NFIB: variants seen among roughly 807,000 people sequenced by gnomAD.
NFIB encodes nuclear factor 1 B-type.
NFIB carries 11 observed loss-of-function variants against 61.5 expected under a neutral mutation model. The observed-to-expected ratio is 0.18, with a 90% confidence interval of 0.11 to 0.30. The LOEUF (loss-of-function observed/expected upper bound fraction) is 0.30. Among genes scored for constraint, NFIB ranks in the 10% least tolerant of loss-of-function variants. NFIB has a pLI of 1.00. For missense variants in NFIB, 471 were observed against 608.9 expected, an observed-to-expected ratio of 0.77 and a Z score of 2.38; for synonymous variants, 260 against 216.5, an observed-to-expected ratio of 1.20 and a Z score of -1.76.
chr9:14,230,523 T>C (rs1563925307), intron 2 of NFIB, among the ~76,000 whole-genome samples: 1 of 152,194 alleles, frequency 6.6e-6, no homozygotes, highest in Non-Finnish European at 1.5e-5. Flanking sequence ...ATATAGTCTA[T>C]ATCCAAATGA....
At chr9:14,317,653 T>G, upstream of NFIB, among the ~76,000 whole-genome samples, 1 of 152,190 alleles carries the variant, frequency 6.6e-6, no homozygotes, top group Non-Finnish European at 1.5e-5. Context: ...CTTGCAGCCA[T>G]GTGGAGAATG....
intron 1 of NFIB, among the ~76,000 whole-genome samples, chr9:14,381,741 C>G (rs565794641): frequency 5.1e-4 from 77 of 152,322 alleles, no homozygotes; most frequent in Non-Finnish European, 9.0e-4. Context: ...AGAACAGTAT[C>G]TGGAGAAGCA....
chr9:14,246,351 G>GGAAGT (rs1327767308), intron 2 of NFIB, among the ~76,000 whole-genome samples: 1 of 152,134 alleles, frequency 6.6e-6, no homozygotes, highest in Non-Finnish European at 1.5e-5. Context: ...CTTAGGTACA[G>GGAAGT]GAAGTCACTA....
rs1258596130 is a variant in NFIB, at chr9:14,082,696, G to A, written c.*5613C>T. On this transcript the variant is annotated 3_prime_UTR_variant, in exon 11 of 11. Coordinates refer to ENST00000380953, the MANE Select transcript of NFIB (RefSeq NM_001190737.2). ...TTTTTTTTTTGTTTGTTTCTTTCTT[G>A]TTTTGCATCAACTTTTATCAGTCCA... The A allele has an allele frequency of 6.7e-6, 1 of 149,900 alleles. No homozygotes were observed. Among genetic ancestry groups the A allele is most frequent in the Non-Finnish European group, 1.3e-5 (1 of 76,832 alleles). The allele number at this position is 149,900 out of a possible 1,614,324, so 9.3% of individuals were successfully genotyped here.
upstream of NFIB, among the ~76,000 whole-genome samples, chr9:14,315,310 G>A (rs1265703976): frequency 2.0e-5 from 3 of 151,118 alleles, no homozygotes; most frequent in Admixed American, 6.6e-5. Context: ...CCCCGGGGGT[G>A]CCCCGTGCAC....
chr9:14,458,380 G>A, the NFIB span, among the ~76,000 whole-genome samples: 1 of 152,134 alleles, frequency 6.6e-6, no homozygotes, highest in African/African-American at 2.4e-5. Context: ...AATAATAGGA[G>A]CTATTTATGA....
At chr9:14,272,998 G>A (rs541073444) in intron 2 of NFIB, among the ~76,000 whole-genome samples, 1 of 152,262 alleles carries the variant, frequency 6.6e-6, no homozygotes, top group African/African-American at 2.4e-5. Context: ...GATTTAGTCA[G>A]CCTAGACTAA....
chr9:14,113,511 C>T (rs1269810288), intron 9 of NFIB, among the ~76,000 whole-genome samples: 2 of 152,168 alleles, frequency 1.3e-5, no homozygotes, highest in East Asian at 3.9e-4. Context: ...AAAGTGACAG[C>T]TTTTAATGAT....
At chr9:14,265,981 A>G (rs1480513530) in intron 2 of NFIB, among the ~76,000 whole-genome samples, 1 of 152,188 alleles carries the variant, frequency 6.6e-6, no homozygotes, top group African/African-American at 2.4e-5. Context: ...ATGAATCAGA[A>G]CTAATTAGCT....
intron 6 of NFIB, among the ~76,000 whole-genome samples, chr9:14,146,007 T>C (rs1171973134): frequency 6.6e-6 from 1 of 152,136 alleles, no homozygotes; most frequent in African/African-American, 2.4e-5. Flanking sequence ...TTTCCATGCT[T>C]AATAATCTCC....
At chr9:14,277,980 T>C (rs1174258508) in intron 2 of NFIB, among the ~76,000 whole-genome samples, 4 of 152,166 alleles carry the variant, frequency 2.6e-5, no homozygotes, top group South Asian at 2.1e-4. Flanking sequence ...TCTCCTGTGA[T>C]GATCTCTGGG....
intron 2 of NFIB, among the ~76,000 whole-genome samples, chr9:14,268,170 A>G (rs2057353320): frequency 6.6e-6 from 1 of 152,102 alleles, no homozygotes; most frequent in African/African-American, 2.4e-5. Context: ...TGGAGAAGAC[A>G]AAGATAATAT....
chr9:14,239,783 T>C (rs896689473), intron 2 of NFIB, among the ~76,000 whole-genome samples: 3 of 152,144 alleles, frequency 2.0e-5, no homozygotes, highest in Admixed American at 6.5e-5. Flanking sequence ...ATTGGAGGAA[T>C]CTGGGGTTTT....
At chr9:14,195,166 TA>T (rs200677099) in intron 2 of NFIB, among the ~76,000 whole-genome samples, 1 of 149,862 alleles carries the variant, frequency 6.7e-6, no homozygotes. Flanking sequence ...CAAAAGAAGT[TA>T]AAAAAAAACA....
intron 1 of NFIB, among the ~76,000 whole-genome samples, chr9:14,334,262 C>A (rs1379428932): frequency 6.6e-6 from 1 of 152,058 alleles, no homozygotes; most frequent in Non-Finnish European, 1.5e-5. Flanking sequence ...ATAAAGTATG[C>A]CTGTGGTAAA....
chr9:14,433,001 T>G, the NFIB span, among the ~76,000 whole-genome samples: 3 of 152,214 alleles, frequency 2.0e-5, no homozygotes, highest in Admixed American at 1.3e-4. Flanking sequence ...ATTACATAAA[T>G]AACAAATATG....
At chr9:14,305,939 T>C (rs1436517588) in intron 2 of NFIB, 2 of 1,295,234 alleles carry the variant, frequency 1.5e-6, no homozygotes, top group Non-Finnish European at 2.0e-6. Flanking sequence ...CTTTGTAAAA[T>C]GATTGTTTTA....
intron 2 of NFIB, among the ~76,000 whole-genome samples, chr9:14,211,778 A>G (rs1258801705): frequency 6.6e-6 from 1 of 152,228 alleles, no homozygotes; most frequent in Non-Finnish European, 1.5e-5. Flanking sequence ...AGGAAATCAG[A>G]GTTGAACAGT....
chr9:14,240,983 G>A (rs2054285237), intron 2 of NFIB, among the ~76,000 whole-genome samples: 1 of 152,206 alleles, frequency 6.6e-6, no homozygotes, highest in African/African-American at 2.4e-5. Context: ...GTTGAGCAGG[G>A]CTGTCTTCAT....
Sources: allele counts gnomAD v4.1 joint callset (sites outside exome capture counted in the v4.1 genomes callset), GRCh38; gene constraint gnomAD v4.1.1; transcripts MANE v1.5; gene names NCBI Gene and HGNC (gene_info 2026-07-23, HGNC 2026-07-21).